Variants in ADGRL3 observed in about 807,000 individuals in gnomAD.
The protein encoded by ADGRL3 is calcium-independent alpha-latrotoxin receptor 3.
In ADGRL3, 62 loss-of-function variants were observed where a neutral mutation model predicts 153.5. That is an observed-to-expected ratio of 0.40 (90% CI 0.33 to 0.50). ADGRL3 has a LOEUF of 0.50. ADGRL3 is among the 20% of genes least tolerant of loss of function. The pLI, the probability that ADGRL3 is intolerant of heterozygous loss-of-function variation, is 0.47. For missense variants in ADGRL3, 1,641 were observed against 1,859.4 expected, an observed-to-expected ratio of 0.88 and a Z score of 2.16; for synonymous variants, 710 against 672.5, an observed-to-expected ratio of 1.06 and a Z score of -0.86.
At chr4:61,538,164 CT>C (rs924640570) in intron 4 of ADGRL3, among the ~76,000 whole-genome samples, 1 of 152,054 alleles carries the variant, frequency 6.6e-6, no homozygotes, top group African/African-American at 2.4e-5. Flanking sequence ...AAAATAAAAA[CT>C]TTTTTCCCCT....
At chr4:61,240,726 T>C (rs2149319308) in intron 1 of ADGRL3, among the ~76,000 whole-genome samples, 1 of 152,230 alleles carries the variant, frequency 6.6e-6, no homozygotes, top group Middle Eastern at 3.4e-3. Flanking sequence ...AGAGTTTCCA[T>C]AAATGTTTAT....
At chr4:61,576,932 C>T (rs1235866431) in intron 4 of ADGRL3, among the ~76,000 whole-genome samples, 1 of 151,806 alleles carries the variant, frequency 6.6e-6, no homozygotes, top group Non-Finnish European at 1.5e-5. Context: ...ATTCCAAAGT[C>T]ATTGTAAAGC....
chr4:62,045,976 A>C (rs1730921503), intron 25 of ADGRL3, among the ~76,000 whole-genome samples: 1 of 151,868 alleles, frequency 6.6e-6, no homozygotes, highest in Non-Finnish European at 1.5e-5. Flanking sequence ...TTTTAATATG[A>C]GTATTCTAAC....
intron 2 of ADGRL3, among the ~76,000 whole-genome samples, chr4:61,404,926 G>A (rs1488533519): frequency 1.3e-5 from 2 of 151,942 alleles, no homozygotes; most frequent in African/African-American, 4.8e-5. Flanking sequence ...TGTTTAAAAT[G>A]CACATAAGAA....
At chr4:61,712,858 A>G (rs2096024527) in intron 6 of ADGRL3, among the ~76,000 whole-genome samples, 1 of 152,148 alleles carries the variant, frequency 6.6e-6, no homozygotes, top group East Asian at 1.9e-4. Flanking sequence ...GTATACATTT[A>G]TGTTCTGCAT....
intron 11 of ADGRL3, among the ~76,000 whole-genome samples, chr4:61,897,334 A>C (rs1345290322): frequency 6.6e-6 from 1 of 152,198 alleles, no homozygotes; most frequent in East Asian, 1.9e-4. Context: ...AAATTTATAA[A>C]ATCTTAAAAA....
At chr4:61,298,237 G>A (rs766495320) in intron 1 of ADGRL3, among the ~76,000 whole-genome samples, 17 of 151,366 alleles carry the variant, frequency 1.1e-4, no homozygotes, top group African/African-American at 3.4e-4. Flanking sequence ...CTTCCCCCTC[G>A]CCCCCCAAAT....
intron 5 of ADGRL3, among the ~76,000 whole-genome samples, chr4:61,671,828 C>A (rs1204889631): frequency 6.6e-6 from 1 of 152,044 alleles, no homozygotes; most frequent in East Asian, 1.9e-4. Context: ...CACAAGACAG[C>A]AGTATCATGA....
intron 5 of ADGRL3, among the ~76,000 whole-genome samples, chr4:61,646,686 C>G (rs2094003846): frequency 6.6e-6 from 1 of 152,122 alleles, no homozygotes; most frequent in Non-Finnish European, 1.5e-5. Flanking sequence ...TCAAAGCTGT[C>G]AGACAGGGAC....
chr4:61,864,128 A>C (rs1055104304), intron 9 of ADGRL3, among the ~76,000 whole-genome samples: 2 of 152,216 alleles, frequency 1.3e-5, no homozygotes, highest in East Asian at 3.8e-4. Flanking sequence ...AAACTGTACT[A>C]TGTACCTTAT....
At chr4:61,269,183 G>A (rs1040555457) in intron 1 of ADGRL3, among the ~76,000 whole-genome samples, 3 of 151,670 alleles carry the variant, frequency 2.0e-5, no homozygotes, top group African/African-American at 7.2e-5. Context: ...AGTGTCTGCT[G>A]TATGACCAGT....
chr4:61,825,665 C>T (rs78332566), intron 9 of ADGRL3, among the ~76,000 whole-genome samples: 16,084 of 152,162 alleles, frequency 0.11, 923 homozygotes, highest in Middle Eastern at 0.15. Flanking sequence ...AGGGCTCCAA[C>T]TGTCCTTCAG....
chr4:61,489,776 G>A (rs1263380720), intron 2 of ADGRL3, among the ~76,000 whole-genome samples: 1 of 151,862 alleles, frequency 6.6e-6, no homozygotes, highest in East Asian at 1.9e-4. Context: ...TTAAAAAATT[G>A]AATTTGCAAC....
intron 5 of ADGRL3, among the ~76,000 whole-genome samples, chr4:61,637,769 C>A (rs943393437): frequency 6.6e-6 from 1 of 151,832 alleles, no homozygotes; most frequent in East Asian, 1.9e-4. Flanking sequence ...CCCCCACCCC[C>A]CAAAAACGTC....
At chr4:61,229,903 AAT>A (rs202191907) in intron 1 of ADGRL3, among the ~76,000 whole-genome samples, 13 of 150,516 alleles carry the variant, frequency 8.6e-5, no homozygotes, top group South Asian at 2.1e-4. Flanking sequence ...CCTGTTCTTA[AAT>A]ATATATATAT....
At chr4:62,057,818 C>T (rs1053475834) in intron 25 of ADGRL3, among the ~76,000 whole-genome samples, 1 of 152,068 alleles carries the variant, frequency 6.6e-6, no homozygotes, top group African/African-American at 2.4e-5. Context: ...GCTGGTACTA[C>T]AGGCACACTC....
rs397993633 is a variant in ADGRL3 at position 61,392,684 on chromosome 4, CAAAAAAA to C, written c.-174+9511_-174+9517del. The stretch of plus-strand genomic sequence containing the variant: ...CTGGTGACAGAGCGAGACTCCATCT[CAAAAAAA>C]AAAAAAAAAAAAAAAGAAAAAGGAA... On this transcript the variant is annotated intron_variant, in intron 2 of 26. Coordinates refer to ENST00000683033, the MANE Select transcript of ADGRL3 (RefSeq NM_001387552.1). Among the ~76,000 whole-genome samples, 14 of 13,378 alleles carry C rather than the reference CAAAAAAA, an allele frequency of 1.0e-3. 2 individuals carry two copies. The highest frequency in any genetic ancestry group is 2.1e-3 in the Non-Finnish European group (12 of 5,762). 8.8% of individuals were successfully genotyped at this position (13,378 alleles called of 152,430 possible).
chr4:61,906,722 T>A (rs2149780595), intron 11 of ADGRL3, among the ~76,000 whole-genome samples: 1 of 152,238 alleles, frequency 6.6e-6, no homozygotes, highest in South Asian at 2.1e-4. Context: ...AAACTTTTTT[T>A]TTTTTTTACT....
chr4:61,426,721 C>G (rs1028056387), intron 2 of ADGRL3: 4 of 152,332 alleles, frequency 2.6e-5, no homozygotes, highest in Admixed American at 6.5e-5. Flanking sequence ...TACCTCCACC[C>G]ACCTTCAAGT....
Sources: gnomAD v4.1 joint callset for allele counts (sites outside exome capture counted in the v4.1 genomes callset) on GRCh38, gnomAD v4.1.1 for gene constraint, MANE v1.5 for transcripts, NCBI Gene and HGNC (gene_info 2026-07-23, HGNC 2026-07-21) for gene names.